Variants in CEP57L1 observed in about 807,000 individuals in gnomAD.
CEP57L1 encodes the protein centrosomal protein 57 like 1, also known as centrosomal protein CEP57L1.
In CEP57L1, 37 loss-of-function variants were observed where a neutral mutation model predicts 61.0. That is an observed-to-expected ratio of 0.61 (90% confidence interval 0.47 to 0.80). CEP57L1 has a LOEUF of 0.80. Ranked by LOEUF, CEP57L1 falls within the 30% of genes least tolerant of loss-of-function variation. The pLI is 0.00. For synonymous variants in CEP57L1, 137 were observed against 162.3 expected, an observed-to-expected ratio of 0.84 and a Z score of 1.19; for missense variants, 422 against 524.7, an observed-to-expected ratio of 0.80 and a Z score of 1.91.
rs558174847 is a variant in CEP57L1 at position 109,110,130 on chromosome 6, G to A, written c.-4+14555G>A. Among the ~76,000 whole-genome samples, 5 of 152,258 alleles carry A rather than the reference G, an allele frequency of 3.3e-5. 1 individual carries two copies. The South Asian group carries it at 1.0e-3, about 32-fold the overall frequency. On this transcript the variant is annotated intron_variant, in intron 1 of 10. Transcript: ENST00000517392. ...GAATCGCCACACTGTCTTCCACAAT[G>A]GTTGAACTAATTTACACTCCCACCA...
In CEP57L1 at chr6:109,139,483, C is replaced by T. The variant is rs540297896; in HGVS notation, c.-3-5736C>T. Reference sequence around the variant, plus strand: ...CTGGCTGAATTTTTTTTTCTTTTTTCTTTTTTTTTTTGAGATGGAGTCTCA... The same window carrying T: ...CTGGCTGAATTTTTTTTTCTTTTTTTTTTTTTTTTTTGAGATGGAGTCTCA... On this transcript the variant is annotated intron_variant, in intron 1 of 10. Transcript: ENST00000517392. Among the ~76,000 whole-genome samples, 1,193 of 145,312 alleles carry T rather than the reference C, an allele frequency of 8.2e-3. 18 individuals carry two copies. The highest frequency in any genetic ancestry group is 0.029 in the African/African-American group (1,143 of 39,934).
intron 1 of CEP57L1, among the ~76,000 whole-genome samples, chr6:109,137,040 A>G (rs1214167614): frequency 2.6e-5 from 4 of 152,200 alleles, no homozygotes; most frequent in African/African-American, 9.6e-5. Context: ...GGTGTGGGGC[A>G]TGGCGCCTGG....
At chr6:109,101,150 A>G (rs1782348146) in intron 1 of CEP57L1, among the ~76,000 whole-genome samples, 1 of 152,160 alleles carries the variant, frequency 6.6e-6, no homozygotes, top group Admixed American at 6.5e-5. Flanking sequence ...TTGCTGCAAC[A>G]TATCAATAGA....
intron 1 of CEP57L1, among the ~76,000 whole-genome samples, chr6:109,106,256 AAG>A (rs1192323790): frequency 6.6e-6 from 1 of 152,178 alleles, no homozygotes; most frequent in African/African-American, 2.4e-5. Context: ...TGGTACCAAA[AAG>A]ATTGGGGACC....
At chr6:109,098,134 C>T (rs1781934031) in intron 1 of CEP57L1, among the ~76,000 whole-genome samples, 1 of 152,062 alleles carries the variant, frequency 6.6e-6, no homozygotes, top group Admixed American at 6.6e-5. Context: ...TTCTCTCTCT[C>T]TCTTTCTCTC....
In CEP57L1 at chr6:109,168,632, T is replaced by C. The variant is rs1204976432; in HGVS notation, c.*5662T>C. On this transcript the variant is annotated 3_prime_UTR_variant, in exon 11 of 11. Coordinates refer to ENST00000517392, the MANE Select transcript of CEP57L1 (RefSeq NM_001271852.3). Reference sequence around the variant, plus strand: ...TTTTTTGAGATTGGAGTCTCGCTCCTTCACCCAGGCTGGAGTGCAATGGTA... The same window carrying C: ...TTTTTTGAGATTGGAGTCTCGCTCCCTCACCCAGGCTGGAGTGCAATGGTA... Among the ~76,000 whole-genome samples, 1 of 144,396 alleles carries C rather than the reference T, an allele frequency of 6.9e-6. No individual in the cohort carries two copies. The highest frequency in any genetic ancestry group is 1.5e-5 in the Non-Finnish European group (1 of 66,644). 94.7% of individuals were successfully genotyped at this position (144,396 alleles called of 152,430 possible).
chr6:109,144,055 T>C (rs544505416), intron 1 of CEP57L1, among the ~76,000 whole-genome samples: 1 of 152,308 alleles, frequency 6.6e-6, no homozygotes, highest in African/African-American at 2.4e-5. Context: ...TAGCTGGTAC[T>C]AATCACAATA....
chr6:109,149,489 G>C (rs1441592721), intron 3 of CEP57L1, among the ~76,000 whole-genome samples: 1 of 152,008 alleles, frequency 6.6e-6, no homozygotes, highest in African/African-American at 2.4e-5. Context: ...TCTCTGTTTT[G>C]GTACCAGTAC....
At position 109,165,298 on chromosome 6, in the gene CEP57L1, C is replaced by T. The variant is rs546529779; in HGVS notation, c.*2328C>T. Among the ~76,000 whole-genome samples the T allele has an allele frequency of 5.3e-5, 8 of 151,800 alleles. No individual in the cohort carries two copies. Among genetic ancestry groups the T allele is most frequent in the Non-Finnish European group, 8.8e-5 (6 of 67,992 alleles). ...AAAGTGAGGATTATACTAATATCTC[C>T]CTCACAGGACTATACTAATTTGTTG... On this transcript the variant is annotated 3_prime_UTR_variant, in exon 11 of 11. Coordinates refer to ENST00000517392, the MANE Select transcript of CEP57L1 (RefSeq NM_001271852.3).
chr6:109,096,499 T>A (rs1279429000), intron 1 of CEP57L1, among the ~76,000 whole-genome samples: 1 of 152,122 alleles, frequency 6.6e-6, no homozygotes, highest in Non-Finnish European at 1.5e-5. Flanking sequence ...ATAGGGTACT[T>A]TCAGGAAACG....
At position 109,125,525 on chromosome 6, in the gene CEP57L1, T is replaced by TA. The variant is rs11454984; in HGVS notation, c.-3-19694_-3-19693insA. ...ATATATATACATATATATATATATATTTTTTTTTTAACCAGTTTCTGAACT... is the reference window on the plus strand; with the variant it reads ...ATATATATACATATATATATATATATATTTTTTTTTAACCAGTTTCTGAACT... On this transcript the variant is annotated intron_variant, in intron 1 of 10. Transcript: ENST00000517392. Among the ~76,000 whole-genome samples, 675 of 107,538 alleles carry TA rather than the reference T, an allele frequency of 6.3e-3. 8 individuals are homozygous for TA. The highest frequency in any genetic ancestry group is 0.044 in the East Asian group (171 of 3,858). The allele number at this position is 107,538 out of a possible 152,430, so 70.5% of individuals were successfully genotyped here. A position where few individuals can be genotyped will look rare whatever the true frequency, so the allele number is the denominator to read the frequency against.
At chr6:109,135,643 G>A (rs1175545962) in intron 1 of CEP57L1, among the ~76,000 whole-genome samples, 2 of 152,104 alleles carry the variant, frequency 1.3e-5, no homozygotes, top group African/African-American at 4.8e-5. Context: ...CAGAATGGGA[G>A]GAAATTTTTG....
At chr6:109,100,345 G>A (rs1396224081) in intron 1 of CEP57L1, 1 of 152,014 alleles carries the variant, frequency 6.6e-6, no homozygotes, top group Non-Finnish European at 1.5e-5. Flanking sequence ...ATGGACGAGG[G>A]TACATTATAA....
chr6:109,115,185 G>T (rs1361552441), intron 1 of CEP57L1, among the ~76,000 whole-genome samples: 1 of 151,694 alleles, frequency 6.6e-6, no homozygotes. Context: ...AGAAGTTAGG[G>T]GTAGTAGTGG....
chr6:109,127,758 T>C (rs1219868551), intron 1 of CEP57L1, among the ~76,000 whole-genome samples: 1 of 151,798 alleles, frequency 6.6e-6, no homozygotes, highest in Non-Finnish European at 1.5e-5. Context: ...GTAGCTGGGA[T>C]TACAGGCACG....
At chr6:109,137,517 G>A (rs961446951) in intron 1 of CEP57L1, among the ~76,000 whole-genome samples, 4 of 152,050 alleles carry the variant, frequency 2.6e-5, no homozygotes, top group African/African-American at 9.7e-5. Context: ...GGTCAGGCTG[G>A]TCTCAAACTC....
chr6:109,115,916 C>T (rs983346062), intron 1 of CEP57L1, among the ~76,000 whole-genome samples: 10 of 151,818 alleles, frequency 6.6e-5, no homozygotes, highest in Non-Finnish European at 1.3e-4. Context: ...TTAGATTTTG[C>T]CTTTTATTGC....
chr6:109,140,142 G>A (rs1045435860), intron 1 of CEP57L1, among the ~76,000 whole-genome samples: 3 of 152,072 alleles, frequency 2.0e-5, no homozygotes, highest in African/African-American at 4.8e-5. Context: ...ACCCAGGCTG[G>A]AGTGCAGTGA....
At chr6:109,142,946 GCTCTCTCTCTCTCTCTCTCTCT>G (rs35714375) in intron 1 of CEP57L1, among the ~76,000 whole-genome samples, 1,416 of 55,536 alleles carry the variant, frequency 0.025, 32 homozygotes, top group African/African-American at 0.078. Context: ...TGTCTCTCTT[GCTCTCTCTCTCTCTCTCTCTCT>G]CTCTCTCTCT....
Sources: gnomAD v4.1 joint callset for allele counts (sites outside exome capture counted in the v4.1 genomes callset) on GRCh38, gnomAD v4.1.1 for gene constraint, MANE v1.5 for transcripts, NCBI Gene and HGNC (gene_info 2026-07-23, HGNC 2026-07-21) for gene names.